Variants in DMD observed in about 807,000 individuals in gnomAD.
DMD encodes mutant dystrophin.
Under a neutral mutation model 330.1 loss-of-function variants are expected in DMD, and 63 were observed. That is an observed-to-expected ratio of 0.19 (90% CI 0.16 to 0.24). DMD has a LOEUF of 0.24. DMD is among the 10% of genes least tolerant of loss of function. DMD has a pLI of 1.00. For missense variants in DMD, 3,344 were observed against 2,684.1 expected (o/e 1.25, Z -5.43); for synonymous variants, 1,223 against 959.8 (o/e 1.27, Z -5.07).
At chrX:31,283,635 G>C (rs1037675618) in intron 62 of DMD, among the ~76,000 whole-genome samples, 1 of 111,020 alleles carries the variant, frequency 9.0e-6, no homozygotes, top group Non-Finnish European at 1.9e-5. Context: ...GACCATAAAC[G>C]TTATGTTGAG....
intron 77 of DMD, among the ~76,000 whole-genome samples, chrX:31,132,887 T>G (rs986499165): frequency 3.6e-5 from 4 of 110,183 alleles, no homozygotes; most frequent in African/African-American, 1.3e-4. Flanking sequence ...TGGAGGTGGG[T>G]GGAAGACAGA....
At chrX:32,504,840 T>C (rs1272706401) in intron 18 of DMD, among the ~76,000 whole-genome samples, 3 of 110,347 alleles carry the variant, frequency 2.7e-5, no homozygotes, top group African/African-American at 9.9e-5. Flanking sequence ...TGTCACACAA[T>C]ATACACACGT....
At chrX:32,564,128 G>T (rs906682249) in intron 16 of DMD, among the ~76,000 whole-genome samples, 16 of 111,308 alleles carry the variant, frequency 1.4e-4, no homozygotes, top group African/African-American at 5.2e-4. Context: ...GCTTATGGAT[G>T]AGATTTTCTG....
At position 31,719,702 on chromosome X, in the gene DMD, AACATGGG is replaced by A. The variant is rs11277777; in HGVS notation, c.7660+9922_7660+9928del. Among the ~76,000 whole-genome samples the A allele has an allele frequency of 7.9e-3, 883 of 111,698 alleles. 4 individuals carry two copies. The highest frequency in any genetic ancestry group is 0.027 in the African/African-American group (840 of 30,718). ...AGTGTCTAATGGGGATATTCAAAGC[AACATGGG>A]ATCATGTTTCAGAAAACTCAGGGCA... On this transcript the variant is annotated intron_variant, in intron 52 of 78. Coordinates refer to ENST00000357033, the MANE Select transcript of DMD (RefSeq NM_004006.3).
rs763167087 is a variant in DMD, at chrX:31,350,626, TGTGTGTGAGAGA to T, written c.9085-2004_9085-1993del. On this transcript the variant is annotated intron_variant, in intron 60 of 78. Coordinates refer to ENST00000357033, the MANE Select transcript of DMD (RefSeq NM_004006.3). ...GTGTGTGTGTGTGTGTGTGTGTGTG[TGTGTGTGAGAGA>T]GAGAGAGAGAGAGAGAGAGAGAAGA... 6.2e-3 allele frequency among the ~76,000 whole-genome samples: 297 copies of T among 48,240 alleles called. 1 individual carries two copies. The highest frequency in any genetic ancestry group is 0.012 in the Middle Eastern group (1 of 82). The allele number at this position is 48,240 out of a possible 115,157, so 41.9% of individuals were successfully genotyped here. A position where few individuals can be genotyped will look rare whatever the true frequency, so the allele number is the denominator to read the frequency against.
chrX:32,792,879 C>G (rs2075922222), intron 7 of DMD, among the ~76,000 whole-genome samples: 1 of 111,862 alleles, frequency 8.9e-6, no homozygotes, highest in Non-Finnish European at 1.9e-5. Flanking sequence ...CTTCAACACC[C>G]CACTCTCAGC....
chrX:33,066,366 T>C (rs1234034817), intron 1 of DMD, among the ~76,000 whole-genome samples: 1 of 102,409 alleles, frequency 9.8e-6, no homozygotes, highest in African/African-American at 3.6e-5. Context: ...TGAGAATCGC[T>C]TGAACCTGGG....
At chrX:32,816,401 A>C in intron 6 of DMD, 67 bp downstream of exon 6, 1 of 1,152,323 alleles carries the variant, frequency 8.7e-7, no homozygotes, top group Non-Finnish European at 1.2e-6. Flanking sequence ...ATACTGGGGA[A>C]AAATATGTCA....
In DMD at chrX:31,174,248, T is replaced by C. The variant is rs765733925; in HGVS notation, c.10263-644A>G. 8.9e-5 allele frequency among the ~76,000 whole-genome samples: 10 copies of C among 111,927 alleles called. No individual in the cohort carries two copies. The East Asian group carries it at 2.8e-3, about 31-fold the overall frequency. On this transcript the variant is annotated intron_variant, in intron 71 of 78. Transcript: ENST00000357033. The stretch of plus-strand genomic sequence containing the variant: ...TTTAAAAAAGAATGACTAAATTTCA[T>C]AGAACGTCATGATATCTGAAATATT...
chrX:32,285,917 C>T (rs944420702), intron 43 of DMD, among the ~76,000 whole-genome samples: 1 of 110,796 alleles, frequency 9.0e-6, no homozygotes. Context: ...CCAGGCTGGT[C>T]TCGGACTCCT....
intron 60 of DMD, among the ~76,000 whole-genome samples, chrX:31,425,641 T>G (rs748362780): frequency 1.9e-5 from 2 of 105,538 alleles, no homozygotes; most frequent in Non-Finnish European, 3.8e-5. Context: ...AGAAATTTGT[T>G]GGGGAGCTTC....
intron 42 of DMD, among the ~76,000 whole-genome samples, chrX:32,295,198 A>G (rs1054414383): frequency 5.4e-5 from 6 of 112,120 alleles, no homozygotes; most frequent in Non-Finnish European, 9.4e-5. Flanking sequence ...ATACAAATGG[A>G]ATTTTAATTT....
At chrX:31,510,664 C>T (rs757881167) in intron 55 of DMD, among the ~76,000 whole-genome samples, 117 of 109,106 alleles carry the variant, frequency 1.1e-3, no homozygotes, top group African/African-American at 3.3e-3. Context: ...CCCGCCACCA[C>T]GCCTGGCTAA....
At chrX:31,553,447 A>AT (rs1025140164) in intron 55 of DMD, among the ~76,000 whole-genome samples, 7 of 112,061 alleles carry the variant, frequency 6.2e-5, no homozygotes, top group African/African-American at 2.3e-4. Flanking sequence ...TTTTTTTACC[A>AT]TTAAAAGCAA....
chrX:32,744,402 T>G (rs1429100876), intron 7 of DMD, among the ~76,000 whole-genome samples: 2 of 111,073 alleles, frequency 1.8e-5, no homozygotes, highest in Non-Finnish European at 3.8e-5. Context: ...TCTTGGTGTC[T>G]TCTTCTCATA....
chrX:32,491,326 G>A lies in DMD; in HGVS notation c.2573C>T (p.Thr858Ile), dbSNP rs398123896. 6 of 1,209,463 alleles carry A rather than the reference G, an allele frequency of 5.0e-6. No homozygotes were observed. The South Asian group carries it at 5.3e-5, about 11-fold the overall frequency. ...AATTGCTGTTGGCTCTGATGGGGTG[G>A]TGGGTTGGATTTTCAACCAGTTTTC... is the stretch of plus-strand genomic sequence containing the variant. ...TAENWLKIQP[T>I]TPSEPTAIKS... Residue 858 changes from threonine to isoleucine, a missense_variant, in exon 20 of 79, where the codon ACC becomes ATC. Physicochemically the swap from Thr to Ile is moderately conservative, Grantham distance 89 (BLOSUM62 -1). Coordinates refer to ENST00000357033, the MANE Select transcript of DMD (RefSeq NM_004006.3).
intron 2 of DMD, among the ~76,000 whole-genome samples, chrX:33,008,056 G>T (rs1329794081): frequency 9.0e-6 from 1 of 111,404 alleles, no homozygotes; most frequent in Non-Finnish European, 1.9e-5. Flanking sequence ...CATTTCTAAT[G>T]AAAAGGTCTC....
chrX:32,977,823 T>G (rs1445184983), intron 2 of DMD, among the ~76,000 whole-genome samples: 1 of 111,550 alleles, frequency 9.0e-6, no homozygotes. Context: ...TGATTAGTTC[T>G]TCATTCCACT....
chrX:32,942,054 G>A (rs1302041586), intron 2 of DMD, among the ~76,000 whole-genome samples: 1 of 111,402 alleles, frequency 9.0e-6, no homozygotes, highest in Non-Finnish European at 1.9e-5. Context: ...AAGTGTGGGT[G>A]TTTCCAGAGA....
Sources: allele counts gnomAD v4.1 joint callset (sites outside exome capture counted in the v4.1 genomes callset), GRCh38; gene constraint gnomAD v4.1.1; transcripts MANE v1.5; gene names NCBI Gene and HGNC (gene_info 2026-07-23, HGNC 2026-07-21).